The following CGNL1 variants were observed in gnomAD, a reference collection of about 807,000 sequenced individuals.
CGNL1 encodes the protein cingulin like 1, also known as cingulin-like protein 1.
Under a neutral mutation model 141.2 loss-of-function variants are expected in CGNL1, and 132 were observed. The ratio of observed to expected loss-of-function variants is 0.93; its 90% CI spans 0.81 to 1.08. CGNL1 has a LOEUF of 1.08. Among genes scored for constraint, CGNL1 ranks in the 50% least tolerant of loss-of-function variants. The pLI is 0.00. For missense variants in CGNL1, 1,870 were observed against 1,588.6 expected (o/e 1.18, Z -3.01); for synonymous variants, 690 against 622.1 (o/e 1.11, Z -1.63).
intron 1 of CGNL1, among the ~76,000 whole-genome samples, chr15:57,411,645 A>G (rs1228181784): frequency 6.6e-6 from 1 of 151,434 alleles, no homozygotes; most frequent in Non-Finnish European, 1.5e-5. Context: ...AGGTTTCACC[A>G]TTTTGGCCAG....
chr15:57,545,517 T>C, intron 16 of CGNL1, 75 bp from the exon 17 acceptor site: 1 of 1,367,396 alleles, frequency 7.3e-7, no homozygotes, highest in African/African-American at 1.4e-5. Context: ...GAGCTTCCCC[T>C]CCTCCACAGC....
rs542577528 is a variant in CGNL1 at position 57,516,855 on chromosome 15, C to T, written c.2479C>T (p.Leu827=). 2 of 1,614,160 alleles carry T rather than the reference C, an allele frequency of 1.2e-6. No homozygotes were observed. Among genetic ancestry groups the T allele is most frequent in the South Asian group, 1.1e-5 (1 of 91,086 alleles). The change falls in exon 9 of 19, where the codon CTG becomes TTG. Residue 827 remains leucine, a synonymous_variant. Transcript: ENST00000281282. ...GGGGACTGAAATGCGCGTGAAGCTT[C>T]TGCAGGAGGAGAATGAGAAGCTGCA... ...QAGTEMRVKL[L]QEENEKLQGR...
chr15:57,405,843 T>TTCTTTCTTTCCTTC (rs1567096855), intron 1 of CGNL1: 2 of 127,586 alleles, frequency 1.6e-5, no homozygotes, highest in African/African-American at 6.5e-5. Context: ...TTTCTTTTCT[T>TTCTTTCTTTCCTTC]TTTCTTTCTT....
At position 57,528,710 on chromosome 15, in the gene CGNL1, C is replaced by T. The variant is rs2031771045; in HGVS notation, c.3096C>T (p.Leu1032=). The part of the protein sequence containing the change: ...RDYQRAQDEA[L]TKRQLLEQTL... Reference sequence around the variant, plus strand: ...ACCAGAGAGCTCAGGATGAAGCACTCACAAAAAGGCAGCTTCTGGAGCAGA... The same window carrying T: ...ACCAGAGAGCTCAGGATGAAGCACTTACAAAAAGGCAGCTTCTGGAGCAGA... Residue 1032 remains leucine, a synonymous_variant, in exon 13 of 19, where the codon CTC becomes CTT. Coordinates refer to ENST00000281282, the MANE Select transcript of CGNL1 (RefSeq NM_032866.5). 1.2e-6 allele frequency: 2 copies of T among 1,614,120 alleles called. No homozygotes were observed. Among genetic ancestry groups the T allele is most frequent in the South Asian group, 2.2e-5 (2 of 91,066 alleles).
At chr15:57,509,113 T>A (rs1243958600) in intron 8 of CGNL1, among the ~76,000 whole-genome samples, 1 of 152,096 alleles carries the variant, frequency 6.6e-6, no homozygotes, top group African/African-American at 2.4e-5. Context: ...CCGGGCCCTA[T>A]TGTGCAAGTG....
intron 8 of CGNL1, among the ~76,000 whole-genome samples, chr15:57,486,201 A>G (rs1321986811): frequency 6.6e-6 from 1 of 152,160 alleles, no homozygotes; most frequent in Non-Finnish European, 1.5e-5. Context: ...GGGATCAGCT[A>G]ATAGATGTGG....
chr15:57,460,869 G>A (rs375440252), intron 7 of CGNL1, among the ~76,000 whole-genome samples: 1 of 152,186 alleles, frequency 6.6e-6, no homozygotes, highest in African/African-American at 2.4e-5. Flanking sequence ...GCAGGGGACA[G>A]TGCGTTCTCT....
At chr15:57,380,106 C>T (rs1395497208) in intron 1 of CGNL1, among the ~76,000 whole-genome samples, 1 of 152,218 alleles carries the variant, frequency 6.6e-6, no homozygotes, top group Non-Finnish European at 1.5e-5. Flanking sequence ...GATCTCAGCT[C>T]ACTGCAACCT....
chr15:57,521,764 A>C (rs779415714), intron 10 of CGNL1, among the ~76,000 whole-genome samples: 1 of 151,984 alleles, frequency 6.6e-6, no homozygotes, highest in East Asian at 1.9e-4. Context: ...CACGAACCAC[A>C]TGGAGGCTGA....
intron 3 of CGNL1, 86 bp from the exon 4 acceptor site, chr15:57,442,287 C>G: frequency 1.4e-6 from 1 of 720,382 alleles, no homozygotes; most frequent in Non-Finnish European, 2.4e-6. Flanking sequence ...CCTTAAAGGA[C>G]CTGTTGGGTG....
At chr15:57,395,070 C>A (rs1439995156) in intron 1 of CGNL1, among the ~76,000 whole-genome samples, 3 of 152,222 alleles carry the variant, frequency 2.0e-5, no homozygotes, top group African/African-American at 7.2e-5. Flanking sequence ...GAGATCATGC[C>A]ACTGCACTCC....
chr15:57,430,856 G>C (rs2063036574), intron 1 of CGNL1, among the ~76,000 whole-genome samples: 1 of 152,216 alleles, frequency 6.6e-6, no homozygotes, highest in African/African-American at 2.4e-5. Context: ...AAGTAGCTGG[G>C]ATTATAGGTG....
intron 11 of CGNL1, 77 bp downstream of exon 11, chr15:57,523,718 A>G (rs2031425248): frequency 3.4e-5 from 52 of 1,512,894 alleles, no homozygotes; most frequent in Non-Finnish European, 4.7e-5. Context: ...GGGTCTGGTG[A>G]AAGCCTGGGA....
intron 1 of CGNL1, among the ~76,000 whole-genome samples, chr15:57,422,113 C>CAAAAAG (rs1477254705): frequency 1.3e-5 from 2 of 151,540 alleles, no homozygotes; most frequent in African/African-American, 4.9e-5. Flanking sequence ...GTGATTAAAA[C>CAAAAAG]AAAAACAAAA....
intron 1 of CGNL1, chr15:57,405,005 C>T (rs533362904): frequency 6.6e-6 from 1 of 152,192 alleles, no homozygotes; most frequent in Non-Finnish European, 1.5e-5. Flanking sequence ...GTACTGCCCA[C>T]CATACTGTCT....
chr15:57,455,305 A>G (rs1278765773), intron 7 of CGNL1, among the ~76,000 whole-genome samples: 2 of 152,254 alleles, frequency 1.3e-5, no homozygotes, highest in Non-Finnish European at 2.9e-5. Flanking sequence ...ATGGCTTTCA[A>G]TAAAAGTGTA....
intron 1 of CGNL1, among the ~76,000 whole-genome samples, chr15:57,422,669 T>G (rs1419536683): frequency 6.6e-6 from 1 of 152,124 alleles, no homozygotes; most frequent in African/African-American, 2.4e-5. Flanking sequence ...GTTAATTACA[T>G]TATTATTATT....
chr15:57,520,344 C>A (rs557695207), intron 10 of CGNL1, among the ~76,000 whole-genome samples: 16 of 152,308 alleles, frequency 1.1e-4, no homozygotes, highest in African/African-American at 3.6e-4. Flanking sequence ...CTCAAAGGGA[C>A]CTTAGTCCTT....
chr15:57,449,400 A>C (rs1364831993), intron 4 of CGNL1, among the ~76,000 whole-genome samples: 1 of 152,028 alleles, frequency 6.6e-6, no homozygotes. Flanking sequence ...AAATTAACAA[A>C]CCTTATTTTT....
Sources: allele counts gnomAD v4.1 joint callset (sites outside exome capture counted in the v4.1 genomes callset), GRCh38; gene constraint gnomAD v4.1.1; transcripts MANE v1.5; gene names NCBI Gene and HGNC (gene_info 2026-07-23, HGNC 2026-07-21).